The following SEC62 variants were observed in gnomAD, a reference collection of about 807,000 sequenced individuals.
SEC62 encodes the protein translocation protein SEC62.
Under a neutral mutation model 47.5 loss-of-function variants are expected in SEC62, and 10 were observed. The observed-to-expected ratio is 0.21, with a 90% CI of 0.13 to 0.36. The LOEUF is 0.36. Ranked by LOEUF, SEC62 falls within the 10% of genes least tolerant of loss-of-function variation. The pLI, the probability that SEC62 is intolerant of heterozygous loss-of-function variation, is 1.00. For missense variants in SEC62, 327 were observed against 464.1 expected, an observed-to-expected ratio of 0.70 and a Z score of 2.71; for synonymous variants, 136 against 150.5, an observed-to-expected ratio of 0.90 and a Z score of 0.71.
intron 7 of SEC62, among the ~76,000 whole-genome samples, chr3:169,990,391 A>AAAAG (rs1187927142): frequency 2.6e-5 from 4 of 152,144 alleles, no homozygotes; most frequent in Admixed American, 6.6e-5. Flanking sequence ...GTTTTCTAAA[A>AAAAG]TCTGTCGCTT....
chr3:169,967,486 C>T (rs1714563472), intron 1 of SEC62, among the ~76,000 whole-genome samples: 1 of 152,076 alleles, frequency 6.6e-6, no homozygotes, highest in Non-Finnish European at 1.5e-5. Context: ...GGCTTTTTTC[C>T]GGGCGACGTG....
At chr3:169,987,873 T>C (rs1715145144) in intron 6 of SEC62, among the ~76,000 whole-genome samples, 1 of 152,218 alleles carries the variant, frequency 6.6e-6, no homozygotes, top group Non-Finnish European at 1.5e-5. Flanking sequence ...GTTGTTCTGT[T>C]GTTTCTTTTA....
intron 1 of SEC62, among the ~76,000 whole-genome samples, chr3:169,974,958 C>A (rs1714795632): frequency 1.3e-5 from 2 of 152,130 alleles, no homozygotes; most frequent in Non-Finnish European, 2.9e-5. Flanking sequence ...AACATCTTAT[C>A]TTTTTAATTA....
intron 7 of SEC62, among the ~76,000 whole-genome samples, chr3:169,989,446 G>A (rs1053695398): frequency 1.0e-4 from 15 of 148,678 alleles, no homozygotes; most frequent in Admixed American, 8.8e-4. Flanking sequence ...CATGGAACAC[G>A]GGCACATTTG....
chr3:169,975,489 T>C lies in SEC62; in HGVS notation c.37-119T>C, dbSNP rs1174135576. 6 of 604,898 alleles carry C rather than the reference T, an allele frequency of 9.9e-6. No individual in the cohort carries two copies. In the East Asian group the frequency reaches 1.4e-4, roughly 14 times the overall value. The allele number at this position is 604,898 out of a possible 1,614,324, so 37.5% of individuals were successfully genotyped here. A position where few individuals can be genotyped will look rare whatever the true frequency, so the allele number is the denominator to read the frequency against. The stretch of plus-strand genomic sequence containing the variant: ...TTTATTAGGTCGCTCCAGAGAAAGC[T>C]TGAAAGCAAGGCCTGTACTCCACTT... On this transcript the variant is annotated intron_variant, in intron 1 of 7. Coordinates refer to ENST00000337002, the MANE Select transcript of SEC62 (RefSeq NM_003262.4).
intron 1 of SEC62, among the ~76,000 whole-genome samples, chr3:169,968,953 T>G (rs531123679): frequency 6.6e-6 from 1 of 152,202 alleles, no homozygotes; most frequent in Non-Finnish European, 1.5e-5. Context: ...AACACACTTA[T>G]GAAAATATAC....
intron 1 of SEC62, among the ~76,000 whole-genome samples, chr3:169,973,742 A>G (rs1714762998): frequency 6.6e-6 from 1 of 151,994 alleles, no homozygotes; most frequent in Non-Finnish European, 1.5e-5. Context: ...CTTGGTTTTT[A>G]TAGTAGCCTT....
At chr3:169,983,125 T>C (rs766603998) in intron 4 of SEC62, 36 bp from the exon 5 acceptor site, 3 of 1,531,614 alleles carry the variant, frequency 2.0e-6, no homozygotes, top group Non-Finnish European at 2.7e-6. Flanking sequence ...CTTGCTTACT[T>C]GTGTTATTTC....
intron 6 of SEC62, 98 bp from the exon 7 acceptor site, chr3:169,988,142 G>A: frequency 1.5e-6 from 2 of 1,369,286 alleles, no homozygotes; most frequent in Non-Finnish European, 2.1e-6. Flanking sequence ...CTGTGTTTAT[G>A]TTTCTCAGTT....
intron 1 of SEC62, chr3:169,969,203 C>T (rs2108278437): frequency 7.2e-6 from 3 of 418,208 alleles, no homozygotes; most frequent in South Asian, 5.1e-5. Context: ...ATACTTTGCA[C>T]ATTGGGGAGA....
At position 169,996,348 on chromosome 3, in the gene SEC62, GTTTCCACAGTA is replaced by G. The variant is rs1463764767; in HGVS notation, c.*3290_*3300del. On this transcript the variant is annotated 3_prime_UTR_variant, in exon 8 of 8. Coordinates refer to ENST00000337002, the MANE Select transcript of SEC62 (RefSeq NM_003262.4). ...AATTGTGTGGTAATTTGCTTTTACTGTTTCCACAGTATTTCAGGTCTTTGCTCATTCACTCA... is the reference window on the plus strand; with the variant it reads ...AATTGTGTGGTAATTTGCTTTTACTGTTTCAGGTCTTTGCTCATTCACTCA... 6.6e-6 allele frequency: 1 copy of G among 152,536 alleles called. No homozygotes were observed. The highest frequency in any genetic ancestry group is 1.5e-5 in the Non-Finnish European group (1 of 68,026). The allele number at this position is 152,536 out of a possible 1,614,324, so 9.4% of individuals were successfully genotyped here.
intron 1 of SEC62, 194 bp from the exon 2 acceptor site, chr3:169,975,414 T>C (rs535411603): frequency 1.6e-5 from 7 of 437,792 alleles, no homozygotes; most frequent in East Asian, 3.7e-5. Context: ...TATCAACTTA[T>C]ATTTGAAAAA....
At chr3:169,985,740 A>T (rs1051928329) in intron 5 of SEC62, 65 bp from the exon 6 acceptor site, 8 of 1,306,844 alleles carry the variant, frequency 6.1e-6, no homozygotes, top group Non-Finnish European at 8.7e-6. Flanking sequence ...AAAATATAGA[A>T]TTAAGCATTA....
In SEC62 at chr3:169,975,123, A is replaced by T. The variant is rs147503548; in HGVS notation, c.37-485A>T. 3.9e-3 allele frequency among the ~76,000 whole-genome samples: 591 copies of T among 152,244 alleles called. 5 individuals carry two copies. Among genetic ancestry groups the T allele is most frequent in the African/African-American group, 0.013 (540 of 41,538 alleles). The stretch of plus-strand genomic sequence containing the variant: ...TGGCGAAACCCTGTCTCTACTAAAA[A>T]TACAAAAATTAGCTGGGCATGGTGG... On this transcript the variant is annotated intron_variant, in intron 1 of 7. Transcript: ENST00000337002.
At chr3:169,972,672 C>T (rs563050546) in intron 1 of SEC62, among the ~76,000 whole-genome samples, 52 of 150,502 alleles carry the variant, frequency 3.5e-4, no homozygotes, top group African/African-American at 9.0e-4. Context: ...AAGCAGTCTG[C>T]CTGCCTCAGC....
chr3:169,991,409 TAGAG>T (rs1404994437), intron 7 of SEC62, among the ~76,000 whole-genome samples: 3 of 151,386 alleles, frequency 2.0e-5, no homozygotes, highest in Non-Finnish European at 2.9e-5. Context: ...GGTAGATAGG[TAGAG>T]AGAGAGGGAG....
intron 2 of SEC62, among the ~76,000 whole-genome samples, 160 bp downstream of exon 2, chr3:169,975,876 A>G (rs1714823588): frequency 6.6e-6 from 1 of 152,240 alleles, no homozygotes; most frequent in Non-Finnish European, 1.5e-5. Flanking sequence ...ATGATTGAAA[A>G]TGTCTATAAT....
intron 7 of SEC62, among the ~76,000 whole-genome samples, chr3:169,990,061 T>C (rs1225963053): frequency 6.7e-6 from 1 of 148,358 alleles, no homozygotes; most frequent in African/African-American, 2.4e-5. Context: ...ATATGTCATA[T>C]ATATTATATG....
At chr3:169,968,372 T>G (rs1714608853) in intron 1 of SEC62, 1 of 152,134 alleles carries the variant, frequency 6.6e-6, no homozygotes, top group African/African-American at 2.4e-5. Context: ...AGTTGTGATC[T>G]TATATTAAAC....
Sources: allele counts gnomAD v4.1 joint callset (sites outside exome capture counted in the v4.1 genomes callset), GRCh38; gene constraint gnomAD v4.1.1; transcripts MANE v1.5; gene names NCBI Gene and HGNC (gene_info 2026-07-23, HGNC 2026-07-21).